GADL1: variants seen among roughly 807,000 people sequenced by gnomAD.
GADL1 encodes GAD like acidic amino acid decarboxylase 1.
In GADL1, 71 loss-of-function variants were observed where a neutral mutation model predicts 69.5. The observed-to-expected ratio is 1.02, with a 90% CI of 0.84 to 1.25. GADL1 has a LOEUF of 1.25. GADL1 is among the 50% of genes most tolerant of loss of function. The pLI, the probability that GADL1 is intolerant of heterozygous loss-of-function variation, is 0.00. For missense variants in GADL1, 737 were observed against 631.8 expected (o/e 1.17, Z -1.79); for synonymous variants, 254 against 214.4 (o/e 1.18, Z -1.62).
At chr3:30,821,915 TAATTAA>T (rs748300758) in intron 11 of GADL1, among the ~76,000 whole-genome samples, 4 of 152,020 alleles carry the variant, frequency 2.6e-5, no homozygotes, top group Non-Finnish European at 5.9e-5. Context: ...TTCTGACCCT[TAATTAA>T]AATTCCTCTA....
intron 3 of GADL1, among the ~76,000 whole-genome samples, chr3:30,855,566 A>G (rs913444576): frequency 1.3e-5 from 2 of 152,000 alleles, no homozygotes; most frequent in East Asian, 1.9e-4. Flanking sequence ...TTGAAATGCA[A>G]TCGCCTTTAA....
chr3:30,797,821 A>AT lies in GADL1; in HGVS notation c.1250+3067dup, dbSNP rs566225618. The stretch of plus-strand genomic sequence containing the variant: ...AAAAATCCAGGTTTTTTATAAATTT[A>AT]TTTTTTTAAAAGCATTTCAAATATT... On this transcript the variant is annotated intron_variant, in intron 12 of 14. Transcript: ENST00000282538. 19 of 152,098 alleles carry AT rather than the reference A, an allele frequency of 1.2e-4. 1 individual carries two copies. The highest frequency in any genetic ancestry group is 1.2e-3 in the East Asian group (6 of 5,176). The allele number at this position is 152,098 out of a possible 1,614,324, so 9.4% of individuals were successfully genotyped here. A position where few individuals can be genotyped will look rare whatever the true frequency, so the allele number is the denominator to read the frequency against.
chr3:30,837,311 T>C (rs982078477), intron 9 of GADL1, among the ~76,000 whole-genome samples: 4 of 152,244 alleles, frequency 2.6e-5, no homozygotes, highest in African/African-American at 9.6e-5. Context: ...TGTAGTAATA[T>C]TTTATTGATT....
chr3:30,761,204 A>G (rs1037847207), intron 14 of GADL1, among the ~76,000 whole-genome samples: 1 of 152,188 alleles, frequency 6.6e-6, no homozygotes, highest in South Asian at 2.1e-4. Flanking sequence ...CTATATTTCT[A>G]TCACATTATA....
chr3:30,771,962 A>G (rs534329262), intron 14 of GADL1, among the ~76,000 whole-genome samples: 1 of 152,344 alleles, frequency 6.6e-6, no homozygotes, highest in African/African-American at 2.4e-5. Context: ...GGAAAGAGAT[A>G]CTGAAGCCCT....
At chr3:30,856,262 C>T (rs551258620) in intron 3 of GADL1, among the ~76,000 whole-genome samples, 10 of 152,128 alleles carry the variant, frequency 6.6e-5, no homozygotes, top group East Asian at 1.9e-4. Context: ...TGATCTTAAG[C>T]GCTAGATACC....
At chr3:30,805,772 C>T (rs1302093034) in intron 11 of GADL1, among the ~76,000 whole-genome samples, 1 of 112,328 alleles carries the variant, frequency 8.9e-6, no homozygotes, top group African/African-American at 4.5e-5. Flanking sequence ...CACCAGGGAC[C>T]AGTGCTCATG....
chr3:30,744,194 G>A (rs1044336395), intron 14 of GADL1, among the ~76,000 whole-genome samples: 2 of 152,100 alleles, frequency 1.3e-5, no homozygotes, highest in African/African-American at 4.8e-5. Flanking sequence ...GGAAATCCTG[G>A]TAACTGTTGT....
intron 11 of GADL1, among the ~76,000 whole-genome samples, chr3:30,811,371 T>C (rs1488485154): frequency 6.6e-6 from 1 of 152,232 alleles, no homozygotes; most frequent in Non-Finnish European, 1.5e-5. Context: ...AAACATTTGA[T>C]AGTGCAGAGA....
chr3:30,821,781 A>G (rs183597654), intron 11 of GADL1, among the ~76,000 whole-genome samples: 53 of 151,924 alleles, frequency 3.5e-4, no homozygotes, highest in East Asian at 9.7e-4. Context: ...TAGATGAAAT[A>G]TATTCTGAAG....
chr3:30,888,533 G>A lies in GADL1; in HGVS notation c.37+6045C>T, dbSNP rs113170645. ...GTCAGCAGCAGATTTAGTAGGGACA[G>A]ATTCTGAGACATTTTTTTCAGGATT... On this transcript the variant is annotated intron_variant, in intron 1 of 14. Transcript: ENST00000282538. 1.1e-4 allele frequency among the ~76,000 whole-genome samples: 17 copies of A among 152,278 alleles called. No homozygotes were observed. The South Asian group carries it at 3.3e-3, about 30-fold the overall frequency.
rs1575174609 is a variant in GADL1, at chr3:30,726,386, T to C, written c.*1856A>G. On this transcript the variant is annotated 3_prime_UTR_variant, in exon 15 of 15. Transcript: ENST00000282538. Reference sequence around the variant, plus strand: ...TCAACAACACTAAGTATAGTAATGTTCCTTTTTGTTTCATGAAACCCAAAT... The same window carrying C: ...TCAACAACACTAAGTATAGTAATGTCCCTTTTTGTTTCATGAAACCCAAAT... 6.6e-6 allele frequency: 1 copy of C among 152,304 alleles called. No individual in the cohort carries two copies. The highest frequency in any genetic ancestry group is 1.9e-4 in the East Asian group (1 of 5,188). The allele number at this position is 152,304 out of a possible 1,614,324, so 9.4% of individuals were successfully genotyped here.
chr3:30,793,950 A>T (rs1696974875), intron 12 of GADL1, among the ~76,000 whole-genome samples: 1 of 152,192 alleles, frequency 6.6e-6, no homozygotes, highest in Non-Finnish European at 1.5e-5. Context: ...AGATCAGCAC[A>T]TGTCACATGA....
chr3:30,824,204 A>G (rs1375544004), intron 11 of GADL1, among the ~76,000 whole-genome samples: 1 of 151,804 alleles, frequency 6.6e-6, no homozygotes, highest in African/African-American at 2.4e-5. Flanking sequence ...GCCAGAGGAA[A>G]AAAAGTCATT....
At chr3:30,751,529 A>G (rs568596515) in intron 14 of GADL1, among the ~76,000 whole-genome samples, 6 of 151,548 alleles carry the variant, frequency 4.0e-5, no homozygotes, top group South Asian at 2.1e-4. Context: ...CTATTTGCCT[A>G]TGAAAATAGG....
At chr3:30,731,680 G>T (rs913558852) in intron 14 of GADL1, among the ~76,000 whole-genome samples, 1 of 152,146 alleles carries the variant, frequency 6.6e-6, no homozygotes, top group Non-Finnish European at 1.5e-5. Flanking sequence ...GACTTTCTGA[G>T]ATTATAAAGA....
intron 12 of GADL1, among the ~76,000 whole-genome samples, chr3:30,791,214 C>CT (rs959260794): frequency 6.6e-6 from 1 of 152,046 alleles, no homozygotes; most frequent in African/African-American, 2.4e-5. Flanking sequence ...AATATACTTC[C>CT]TACCTATAGG....
At chr3:30,772,644 A>G (rs988764157) in intron 14 of GADL1, among the ~76,000 whole-genome samples, 3 of 152,154 alleles carry the variant, frequency 2.0e-5, no homozygotes, top group African/African-American at 7.2e-5. Context: ...TGGGGGGCTG[A>G]GGTGGGTGAA....
intron 11 of GADL1, among the ~76,000 whole-genome samples, chr3:30,806,916 T>C (rs1447570710): frequency 6.6e-6 from 1 of 152,180 alleles, no homozygotes; most frequent in African/African-American, 2.4e-5. Flanking sequence ...CCTACAGATA[T>C]TACAACTTAA....
Sources: gnomAD v4.1 joint callset for allele counts (sites outside exome capture counted in the v4.1 genomes callset) on GRCh38, gnomAD v4.1.1 for gene constraint, MANE v1.5 for transcripts, NCBI Gene and HGNC (gene_info 2026-07-23, HGNC 2026-07-21) for gene names.